UTP20: variants seen among roughly 807,000 people sequenced by gnomAD.
UTP20 encodes small subunit processome component 20 homolog.
Under a neutral mutation model 329.5 loss-of-function variants are expected in UTP20, and 164 were observed. The observed-to-expected ratio is 0.50, with a 90% CI of 0.44 to 0.57. UTP20 has a LOEUF of 0.57. UTP20 is among the 20% of genes least tolerant of loss of function. The pLI is 0.00. For synonymous variants in UTP20, 1,151 were observed against 1,159.3 expected, an observed-to-expected ratio of 0.99 and a Z score of 0.14; for missense variants, 3,055 against 3,284.2, an observed-to-expected ratio of 0.93 and a Z score of 1.71.
intron 38 of UTP20, among the ~76,000 whole-genome samples, chr12:101,346,898 C>A (rs553414027): frequency 6.6e-6 from 1 of 152,102 alleles, no homozygotes; most frequent in Non-Finnish European, 1.5e-5. Flanking sequence ...CTGGTTAACT[C>A]CCCTAGTCAG....
At chr12:101,282,279 A>G (rs1871826130) in intron 2 of UTP20, among the ~76,000 whole-genome samples, 1 of 152,200 alleles carries the variant, frequency 6.6e-6, no homozygotes, top group South Asian at 2.1e-4. Context: ...GTGTCAAAAA[A>G]ACGGTGATCT....
intron 45 of UTP20, 86 bp from the exon 46 acceptor site, chr12:101,365,373 C>T (rs973132742): frequency 4.2e-6 from 4 of 956,724 alleles, no homozygotes; most frequent in Non-Finnish European, 6.1e-6. Context: ...TATTAGAAAG[C>T]TAATATATAA....
intron 48 of UTP20, among the ~76,000 whole-genome samples, chr12:101,368,399 C>T (rs111581606): frequency 0.054 from 8,217 of 152,100 alleles, 275 homozygotes; most frequent in African/African-American, 0.078. Flanking sequence ...TCCTAAAATG[C>T]TGGGATTACG....
At chr12:101,316,208 C>G (rs1449042592) in intron 21 of UTP20, among the ~76,000 whole-genome samples, 1 of 152,032 alleles carries the variant, frequency 6.6e-6, no homozygotes, top group Non-Finnish European at 1.5e-5. Context: ...CGAACCAAAC[C>G]AGGAACAAGA....
chr12:101,317,568 G>A lies in UTP20; in HGVS notation c.2643G>A (p.Glu881=). The A allele has an allele frequency of 6.2e-7, 1 of 1,614,184 alleles. No homozygotes were observed. The highest frequency in any genetic ancestry group is 1.3e-5 in the African/African-American group (1 of 75,060). ...GKGMVAEEIE[E]EPAAGDDEEL... is the part of the protein sequence containing the mutation. ...GGATGGTGGCAGAGGAAATCGAAGA[G>A]GAACCTGCCGCAGGAGATGATGAAG... Residue 881 remains glutamate, a synonymous_variant, in exon 22 of 62, where the codon GAG becomes GAA. Transcript: ENST00000261637.
rs781074055 is a variant in UTP20 at position 101,293,253 on chromosome 12, A to C, written c.1251+8A>C. ...ATGAAGCAGTTTGAGCAGGTAAGCA[A>C]GTTACTAAGTTCGGAGTATTTTTAA... On this transcript the variant is annotated splice_region_variant and intron_variant, in intron 11 of 61. Coordinates refer to ENST00000261637, the MANE Select transcript of UTP20 (RefSeq NM_014503.3). 5 of 1,612,466 alleles carry C rather than the reference A, an allele frequency of 3.1e-6. No homozygotes were observed. The highest frequency in any genetic ancestry group is 3.4e-6 in the Non-Finnish European group (4 of 1,178,782).
chr12:101,321,727 T>G, intron 25 of UTP20, 98 bp downstream of exon 25: 4 of 1,406,956 alleles, frequency 2.8e-6, no homozygotes, highest in Non-Finnish European at 2.9e-6. Flanking sequence ...AATAGAATAT[T>G]TCATTTTCTA....
rs1339347432 is a variant in UTP20, at chr12:101,285,877, T to C, written c.322T>C (p.Leu108=). The C allele has an allele frequency of 3.7e-6, 6 of 1,613,000 alleles. No individual in the cohort carries two copies. In the South Asian group the frequency reaches 6.6e-5, roughly 18 times the overall value. Reference sequence around the variant, plus strand: ...GAACAGTTTTGCCTATCAACCCCTTTTGGAGTAAGTAGCATCTTGAGAGAA... The same window carrying C: ...GAACAGTTTTGCCTATCAACCCCTTCTGGAGTAAGTAGCATCTTGAGAGAA... ...VKNSFAYQPL[L]DLVVQLARDL... The change falls in exon 4 of 62, where the codon TTG becomes CTG. Residue 108 remains leucine, a synonymous_variant. Coordinates refer to ENST00000261637, the MANE Select transcript of UTP20 (RefSeq NM_014503.3).
intron 31 of UTP20, 40 bp from the exon 32 acceptor site, chr12:101,340,483 T>A: frequency 7.9e-7 from 1 of 1,264,286 alleles, no homozygotes; most frequent in Non-Finnish European, 1.1e-6. Context: ...AGAAATATCC[T>A]TGTATATGTT....
At chr12:101,362,870 C>T (rs1040531125) in intron 44 of UTP20, among the ~76,000 whole-genome samples, 2 of 131,890 alleles carry the variant, frequency 1.5e-5, no homozygotes, top group Non-Finnish European at 3.0e-5. Flanking sequence ...CAATGGCTCA[C>T]ACCTGTAATC....
At chr12:101,298,808 A>C (rs1312688215) in intron 12 of UTP20, among the ~76,000 whole-genome samples, 1 of 152,208 alleles carries the variant, frequency 6.6e-6, no homozygotes, top group South Asian at 2.1e-4. Flanking sequence ...CCAGACACTA[A>C]ACATCCTGGT....
chr12:101,342,761 A>G, intron 33 of UTP20, 26 bp from the exon 34 acceptor site: 1 of 1,606,450 alleles, frequency 6.2e-7, no homozygotes, highest in Non-Finnish European at 8.5e-7. Flanking sequence ...ATTCACTGAT[A>G]AATACACTGT....
intron 5 of UTP20, among the ~76,000 whole-genome samples, chr12:101,287,609 G>A (rs921227238): frequency 9.9e-5 from 15 of 152,126 alleles, no homozygotes; most frequent in Admixed American, 6.5e-4. Context: ...AGTGTCTGCC[G>A]TATGCCAGGC....
In UTP20 at chr12:101,365,475, C is replaced by T. The variant is rs747940559; in HGVS notation, c.5975C>T (p.Thr1992Met). Residue 1992 changes from threonine (T) to methionine (M), a missense_variant, in exon 46 of 62, where the codon ACG becomes ATG. By Grantham distance (81) the Thr-to-Met change is moderately conservative (BLOSUM62 -1). Coordinates refer to ENST00000261637, the MANE Select transcript of UTP20 (RefSeq NM_014503.3). ...LPLKEILQNTTSLKLARKVHE... is the reference protein window; with the variant it reads ...LPLKEILQNTMSLKLARKVHE... ...TGCCTTTAGATCTTACAAAATACCA[C>T]GAGTTTGAAACTGGCCCGGAAAGTT... The T allele has an allele frequency of 1.6e-5, 26 of 1,604,258 alleles. No homozygotes were observed. The highest frequency in any genetic ancestry group is 3.4e-5 in the South Asian group (3 of 88,346).
At chr12:101,311,868 A>G in intron 20 of UTP20, 70 bp downstream of exon 20, 1 of 1,561,524 alleles carries the variant, frequency 6.4e-7, no homozygotes, top group South Asian at 1.2e-5. Context: ...TTATTGCTTA[A>G]TTACTCACGA....
In UTP20 at chr12:101,286,499, A is replaced by C; in HGVS notation, c.505A>C (p.Ser169Arg). The C allele has an allele frequency of 6.2e-7, 1 of 1,601,290 alleles. No homozygotes were observed. The highest frequency in any genetic ancestry group is 8.5e-7 in the Non-Finnish European group (1 of 1,174,066). Residue 169 changes from serine (S) to arginine (R), a missense_variant, in exon 5 of 62, where the codon AGT (serine) becomes CGT (arginine). Ser to Arg is a moderately radical substitution (Grantham distance 110). This residue lies in a region of UTP20 where 2,445 missense variants were observed against 2,575.5 expected (regional missense o/e 0.95). Coordinates refer to ENST00000261637, the MANE Select transcript of UTP20 (RefSeq NM_014503.3). ...GAGACTGATGGTGAAGGACATGTCCAGTATATACAGGTAACCCCTTTCTCT... is the reference window on the plus strand; with the variant it reads ...GAGACTGATGGTGAAGGACATGTCCCGTATATACAGGTAACCCCTTTCTCT... ...LWRLMVKDMS[S>R]IYSMYSTLLA...
intron 21 of UTP20, 65 bp downstream of exon 21, chr12:101,312,341 A>T (rs959514612): frequency 5.7e-5 from 89 of 1,572,214 alleles, no homozygotes; most frequent in Non-Finnish European, 7.5e-5. Context: ...GAGAAGTATT[A>T]ACCTCCCAAA....
chr12:101,363,817 C>A, intron 45 of UTP20, 74 bp downstream of exon 45: 2 of 947,852 alleles, frequency 2.1e-6, no homozygotes, highest in South Asian at 1.4e-5. Context: ...CCATGCGGGG[C>A]AAACTGAAAC....
intron 38 of UTP20, among the ~76,000 whole-genome samples, chr12:101,351,225 C>A (rs887191123): frequency 4.0e-5 from 6 of 151,878 alleles, no homozygotes; most frequent in Non-Finnish European, 7.4e-5. Context: ...CTCCCGGGAT[C>A]AAGTGATCCT....
Sources: gnomAD v4.1 joint callset for allele counts (sites outside exome capture counted in the v4.1 genomes callset) on GRCh38, gnomAD v4.1.1 for gene constraint, gnomAD v4.1.1 regional missense constraint, MANE v1.5 for transcripts, NCBI Gene and HGNC (gene_info 2026-07-23, HGNC 2026-07-21) for gene names.